MTOR: variants seen among roughly 807,000 people sequenced by gnomAD.
MTOR encodes serine/threonine-protein kinase mTOR.
A neutral mutation model predicts 319.8 loss-of-function variants in MTOR; 70 were observed. That is an observed-to-expected ratio of 0.22 (90% CI 0.18 to 0.27). MTOR has a LOEUF of 0.27. Ranked by LOEUF, MTOR falls within the 10% of genes least tolerant of loss-of-function variation. The pLI, the probability that MTOR is intolerant of heterozygous loss-of-function variation, is 1.00. For missense variants in MTOR, 1,890 were observed against 3,274.4 expected (o/e 0.58, Z 10.32); for synonymous variants, 1,183 against 1,211.4 (o/e 0.98, Z 0.49).
intron 29 of MTOR, among the ~76,000 whole-genome samples, chr1:11,161,225 C>T (rs1247833765): frequency 2.0e-5 from 3 of 152,158 alleles, no homozygotes; most frequent in Admixed American, 6.5e-5. Flanking sequence ...AAGTAGGCAA[C>T]GAGGCTGGCG....
chr1:11,140,037 C>A (rs1643617344), intron 34 of MTOR, among the ~76,000 whole-genome samples: 1 of 152,074 alleles, frequency 6.6e-6, no homozygotes, highest in Non-Finnish European at 1.5e-5. Flanking sequence ...GATGGCAAGG[C>A]TGCTCTCGAA....
At chr1:11,245,719 G>C (rs923246636) in intron 8 of MTOR, among the ~76,000 whole-genome samples, 4 of 152,178 alleles carry the variant, frequency 2.6e-5, no homozygotes, top group African/African-American at 9.7e-5. Flanking sequence ...GGGCAACACA[G>C]TGAGATCCCA....
Position 11,146,769 on chromosome 1 carries a change from T to C in MTOR, c.4593A>G (p.Glu1531=). The change falls in exon 32 of 58, where the codon GAA becomes GAG. Residue 1531 remains glutamate, a synonymous_variant. Transcript: ENST00000361445. ...WGLGQWDSME[E]YTCMIPRDTH... ...TGTCCCGAGGGATCATACAGGTGTA[T>C]TCTTCCATGCTGTCCCACTGACCTA... The C allele has an allele frequency of 6.2e-7, 1 of 1,614,082 alleles. No homozygotes were observed. The highest frequency in any genetic ancestry group is 8.5e-7 in the Non-Finnish European group (1 of 1,179,964).
chr1:11,127,286 C>T lies in MTOR; in HGVS notation c.6217-142G>A. On this transcript the variant is annotated intron_variant, in intron 44 of 57. Transcript: ENST00000361445. The surrounding 1 kb of genome is among the most constrained non-coding windows in gnomAD (Gnocchi z 5.5). ...GGCAGGGGGCTGGAGAAAGCAAGAG[C>T]ATAGGTGCAGGCCTCCAACCCTGGA... The T allele has an allele frequency of 1.3e-5, 16 of 1,206,300 alleles. No homozygotes were observed. The highest frequency in any genetic ancestry group is 1.8e-5 in the Non-Finnish European group (16 of 873,190). The allele number at this position is 1,206,300 out of a possible 1,614,324, so 74.7% of individuals were successfully genotyped here.
chr1:11,171,173 C>T (rs550400186), intron 28 of MTOR, among the ~76,000 whole-genome samples: 3 of 148,256 alleles, frequency 2.0e-5, no homozygotes, highest in East Asian at 4.0e-4. Context: ...CCAGCCTGGG[C>T]GACAGAGCTA....
rs1450048448 is a variant in MTOR at position 11,228,823 on chromosome 1, A to T, written c.2875T>A (p.Phe959Ile). Residue 959 changes from phenylalanine (F) to isoleucine (I), a missense_variant, in exon 19 of 58, where the codon TTC becomes ATC. Around this residue, in one of 15 missense-constraint regions of MTOR, gnomAD observed 377 missense variants for 653.9 expected, o/e 0.58. Transcript: ENST00000361445. ...AVSMVALMRI[F>I]RDQSLSHHHT... ...TGATGAGAGAGTGACTGGTCTCGGA[A>T]GATCCGCATCAGGGCCACCATGGAC... 1.9e-6 allele frequency: 3 copies of T among 1,614,186 alleles called. No homozygotes were observed. The highest frequency in any genetic ancestry group is 2.5e-6 in the Non-Finnish European group (3 of 1,180,032).
chr1:11,162,442 A>C (rs1167809276), intron 29 of MTOR, among the ~76,000 whole-genome samples: 2 of 152,220 alleles, frequency 1.3e-5, no homozygotes, highest in African/African-American at 4.8e-5. Context: ...AAAGCCACAA[A>C]GATACTTCTC....
In MTOR at chr1:11,114,352, G is replaced by A. The variant is rs1642051963; in HGVS notation, c.7266C>T (p.Val2422=). The A allele has an allele frequency of 6.2e-7, 1 of 1,614,152 alleles. No homozygotes were observed. Among genetic ancestry groups the A allele is most frequent in the African/African-American group, 1.3e-5 (1 of 75,036 alleles). The change falls in exon 53 of 58, where the codon GTC becomes GTT. Residue 2422 remains valine (V), a synonymous_variant. Coordinates refer to ENST00000361445, the MANE Select transcript of MTOR (RefSeq NM_004958.4). The stretch of plus-strand genomic sequence containing the variant: ...GCCTCCAGTTCAGCAAGGGGTCATA[G>A]ACAAAGGCTTCCAGCACGGCCATGA... ...DSVMAVLEAF[V]YDPLLNWRLM...
chr1:11,174,272 A>C (rs1644915723), intron 28 of MTOR, among the ~76,000 whole-genome samples: 1 of 152,140 alleles, frequency 6.6e-6, no homozygotes, highest in South Asian at 2.1e-4. Context: ...TTAGCTGTAA[A>C]ATGAACGAGT....
intron 15 of MTOR, 33 bp downstream of exon 15, chr1:11,233,365 T>C: frequency 6.3e-7 from 1 of 1,586,144 alleles, no homozygotes; most frequent in Non-Finnish European, 8.6e-7. Context: ...TTCCACCCTA[T>C]CTCCGCTATG....
chr1:11,143,704 TG>T (rs1447702378), intron 34 of MTOR, among the ~76,000 whole-genome samples: 1 of 152,220 alleles, frequency 6.6e-6, no homozygotes, highest in Non-Finnish European at 1.5e-5. Context: ...CTGAGACGCC[TG>T]GAAGCACAAA....
At position 11,209,364 on chromosome 1, in the gene MTOR, A is replaced by G; in HGVS notation, c.3749T>C (p.Val1250Ala). The change falls in exon 25 of 58, where the codon GTG becomes GCG. Residue 1250 changes from valine to alanine, a missense_variant. Physicochemically the swap from Val to Ala is moderately conservative, Grantham distance 64 (BLOSUM62 0). Transcript: ENST00000361445. ...GQGDALASGP[V>A]ETGPMKKLHV... ...CAGTTTCTTCATGGGTCCTGTTTCCACTGGTCCACTAGCCAATGCATCCCC... is the reference window on the plus strand; with the variant it reads ...CAGTTTCTTCATGGGTCCTGTTTCCGCTGGTCCACTAGCCAATGCATCCCC... The G allele has an allele frequency of 6.2e-7, 1 of 1,614,150 alleles. No homozygotes were observed. Among genetic ancestry groups the G allele is most frequent in the East Asian group, 2.2e-5 (1 of 44,876 alleles).
chr1:11,109,146 T>C lies in MTOR; in HGVS notation c.7528+144A>G, dbSNP rs1641727246. The C allele has an allele frequency of 1.6e-6, 1 of 642,220 alleles. No homozygotes were observed. The highest frequency in any genetic ancestry group is 2.7e-6 in the Non-Finnish European group (1 of 365,176). The allele number at this position is 642,220 out of a possible 1,614,324, so 39.8% of individuals were successfully genotyped here. A position where few individuals can be genotyped will look rare whatever the true frequency, so the allele number is the denominator to read the frequency against. ...AGAAGAATCAGAGACAATGTTTAAC[T>C]GATGACCTCAAAGACACTCTTTGTC... On this transcript the variant is annotated intron_variant, in intron 56 of 57. Coordinates refer to ENST00000361445, the MANE Select transcript of MTOR (RefSeq NM_004958.4). This position sits in a 1 kb window ranked among gnomAD's most constrained non-coding sequence, Gnocchi z 4.0.
At position 11,109,530 on chromosome 1, in the gene MTOR, C is replaced by G. The variant is rs1035377217; in HGVS notation, c.7447+119G>C. ...GAATATAATGAGAAATTCATGGAAC[C>G]TTTTCTGCTCAAAGGCAGTTTTGTT... On this transcript the variant is annotated intron_variant, in intron 55 of 57. Coordinates refer to ENST00000361445, the MANE Select transcript of MTOR (RefSeq NM_004958.4). The surrounding 1 kb of genome is among the most constrained non-coding windows in gnomAD (Gnocchi z 4.0). 1.9e-5 allele frequency: 24 copies of G among 1,240,906 alleles called. No individual in the cohort carries two copies. Among genetic ancestry groups the G allele is most frequent in the African/African-American group, 4.5e-5 (3 of 66,672 alleles). 76.9% of individuals were successfully genotyped at this position (1,240,906 alleles called of 1,614,324 possible).
At chr1:11,159,595 C>T (rs1433811534) in intron 29 of MTOR, among the ~76,000 whole-genome samples, 1 of 151,204 alleles carries the variant, frequency 6.6e-6, no homozygotes, top group Non-Finnish European at 1.5e-5. Flanking sequence ...GAACCAAGAT[C>T]GTGCCATTGC....
At chr1:11,118,228 A>ATTTTATTTTTTTTTT (rs1642282624) in intron 49 of MTOR, among the ~76,000 whole-genome samples, 1 of 120,766 alleles carries the variant, frequency 8.3e-6, no homozygotes, top group African/African-American at 4.0e-5. Flanking sequence ...AACTTAGTTA[A>ATTTTATTTTTTTTTT]TTTTTTTTTT....
intron 34 of MTOR, among the ~76,000 whole-genome samples, chr1:11,143,577 T>A (rs1339417334): frequency 6.6e-6 from 1 of 152,236 alleles, no homozygotes; most frequent in East Asian, 1.9e-4. Context: ...TTCAGAGCCA[T>A]AAATGACTGT....
chr1:11,178,107 C>T (rs192339248), intron 28 of MTOR, among the ~76,000 whole-genome samples: 1 of 152,290 alleles, frequency 6.6e-6, no homozygotes, highest in East Asian at 1.9e-4. Context: ...TTGTTAGATA[C>T]CAGGCCACCA....
rs546266028 is a variant in MTOR at position 11,199,009 on chromosome 1, G to C, written c.4253+249C>G. On this transcript the variant is annotated intron_variant, in intron 28 of 57. Transcript: ENST00000361445. The surrounding 1 kb of genome is among the most constrained non-coding windows in gnomAD (Gnocchi z 4.5). ...ATTGCTTCTCAACTAAATTTCACTG[G>C]AACAAGAAAGGACAGGTTGGAAAAC... Among the ~76,000 whole-genome samples the C allele has an allele frequency of 6.6e-6, 1 of 152,276 alleles. No individual in the cohort carries two copies. Among genetic ancestry groups the C allele is most frequent in the African/African-American group, 2.4e-5 (1 of 41,558 alleles).
Sources: allele counts gnomAD v4.1 joint callset (sites outside exome capture counted in the v4.1 genomes callset), GRCh38; gene constraint gnomAD v4.1.1; regional missense constraint gnomAD v4.1.1; non-coding constraint Gnocchi (gnomAD v3.1); transcripts MANE v1.5; gene names NCBI Gene and HGNC (gene_info 2026-07-23, HGNC 2026-07-21).